ANO2: variants seen among roughly 807,000 people sequenced by gnomAD.
ANO2 encodes the protein anoctamin 2.
In ANO2, 101 loss-of-function variants were observed where a neutral mutation model predicts 124.2. The observed-to-expected ratio is 0.81, with a 90% CI of 0.69 to 0.96. The LOEUF (loss-of-function observed/expected upper bound fraction) is 0.96. Ranked by LOEUF, ANO2 falls within the 40% of genes least tolerant of loss-of-function variation. The pLI, the probability that ANO2 is intolerant of heterozygous loss-of-function variation, is 0.00. For synonymous variants in ANO2, 486 were observed against 482.5 expected (o/e 1.01, Z -0.09); for missense variants, 1,293 against 1,274.5 (o/e 1.01, Z -0.22).
intron 14 of ANO2, among the ~76,000 whole-genome samples, chr12:5,722,363 C>T (rs929701743): frequency 1.6e-4 from 24 of 152,064 alleles, no homozygotes; most frequent in African/African-American, 2.2e-4. Flanking sequence ...AAAAATTAGC[C>T]GGGCGCAGTG....
intron 14 of ANO2, among the ~76,000 whole-genome samples, chr12:5,717,105 A>G (rs1342172467): frequency 6.6e-6 from 1 of 152,224 alleles, no homozygotes; most frequent in African/African-American, 2.4e-5. Flanking sequence ...ATCCCACCGC[A>G]AAGGCCAGCA....
intron 20 of ANO2, among the ~76,000 whole-genome samples, chr12:5,599,211 AG>A (rs1270849021): frequency 6.6e-6 from 1 of 152,178 alleles, no homozygotes; most frequent in Non-Finnish European, 1.5e-5. Flanking sequence ...TTTATAGATG[AG>A]GAGAGGAATC....
At chr12:5,901,540 C>T (rs1414578761) in intron 3 of ANO2, among the ~76,000 whole-genome samples, 1 of 152,218 alleles carries the variant, frequency 6.6e-6, no homozygotes, top group Non-Finnish European at 1.5e-5. Flanking sequence ...AGGACCCTGA[C>T]ATGCACAGCC....
chr12:5,595,486 G>T (rs1294693966), intron 20 of ANO2, among the ~76,000 whole-genome samples: 1 of 151,928 alleles, frequency 6.6e-6, no homozygotes, highest in Non-Finnish European at 1.5e-5. Flanking sequence ...GCCTCCCAAA[G>T]TGCTGGGTTT....
chr12:5,727,449 G>A (rs1022411343), intron 14 of ANO2, among the ~76,000 whole-genome samples: 2 of 149,424 alleles, frequency 1.3e-5, no homozygotes, highest in Admixed American at 6.7e-5. Flanking sequence ...TCAGTCTCGG[G>A]TATTTATAGC....
intron 3 of ANO2, among the ~76,000 whole-genome samples, chr12:5,883,198 G>A (rs1180481910): frequency 1.3e-5 from 2 of 151,876 alleles, no homozygotes; most frequent in East Asian, 1.9e-4. Flanking sequence ...GCTGAAAACT[G>A]AGCAATTAAA....
intron 3 of ANO2, among the ~76,000 whole-genome samples, chr12:5,867,778 G>GAAAAAAA (rs10622876): frequency 1.3e-5 from 1 of 78,538 alleles, no homozygotes; most frequent in Non-Finnish European, 2.3e-5. Flanking sequence ...GCACTATAAT[G>GAAAAAAA]AAAAAAAAAA....
intron 3 of ANO2, among the ~76,000 whole-genome samples, chr12:5,878,872 T>C (rs999166998): frequency 9.2e-5 from 14 of 152,210 alleles, no homozygotes; most frequent in Admixed American, 2.0e-4. Flanking sequence ...TGGTTTTCCA[T>C]AGGAGATGGA....
rs529688983 is a variant in ANO2, at chr12:5,698,447, C to T, written c.1545+34073G>A. 1.3e-5 allele frequency among the ~76,000 whole-genome samples: 2 copies of T among 152,286 alleles called. 1 individual carries two copies. The highest frequency in any genetic ancestry group is 4.1e-4 in the South Asian group (2 of 4,822). On this transcript the variant is annotated intron_variant, in intron 14 of 24. Coordinates refer to ENST00000682330, the MANE Select transcript of ANO2 (RefSeq NM_001364791.2). ...CATCCACACCAAAACCCCATCTGTA[C>T]GTCACCATCATCAAAGACCAAAGGT...
intron 14 of ANO2, among the ~76,000 whole-genome samples, chr12:5,723,711 A>G (rs12307960): frequency 0.014 from 2,202 of 152,298 alleles, 48 homozygotes; most frequent in African/African-American, 0.048. Context: ...AATTAAAGCT[A>G]AAGTTTAAAA....
At chr12:5,903,647 A>ATGTG (rs143239619) in intron 3 of ANO2, among the ~76,000 whole-genome samples, 45,378 of 148,332 alleles carry the variant, frequency 0.31, 7,422 homozygotes, top group South Asian at 0.43. Flanking sequence ...ATGTGCAAAG[A>ATGTG]TGTGTGTGTG....
At chr12:5,691,512 G>C (rs1389074011) in intron 14 of ANO2, among the ~76,000 whole-genome samples, 1 of 152,080 alleles carries the variant, frequency 6.6e-6, no homozygotes, top group Non-Finnish European at 1.5e-5. Flanking sequence ...GGAGCAGGTA[G>C]CCAAAGCCAT....
At chr12:5,725,119 AC>A in intron 14 of ANO2, among the ~76,000 whole-genome samples, 1 of 149,360 alleles carries the variant, frequency 6.7e-6, no homozygotes. Context: ...ACACACACAC[AC>A]ACACGCAAAC....
intron 14 of ANO2, among the ~76,000 whole-genome samples, chr12:5,726,310 C>T (rs1023252539): frequency 6.6e-6 from 1 of 152,186 alleles, no homozygotes. Flanking sequence ...GGAAATAGAA[C>T]ATCACCCCAC....
chr12:5,663,322 A>G (rs1245094115), intron 14 of ANO2, among the ~76,000 whole-genome samples: 1 of 152,226 alleles, frequency 6.6e-6, no homozygotes, highest in Non-Finnish European at 1.5e-5. Flanking sequence ...AAACAGAGGA[A>G]GAAAAATCCA....
At chr12:5,664,895 C>A (rs531169888) in intron 14 of ANO2, among the ~76,000 whole-genome samples, 16 of 152,308 alleles carry the variant, frequency 1.1e-4, no homozygotes, top group Non-Finnish European at 1.9e-4. Flanking sequence ...TTATGATCAT[C>A]ATTATTTGAT....
chr12:5,945,903 G>A (rs71581035), upstream of ANO2, among the ~76,000 whole-genome samples: 1,202 of 152,348 alleles, frequency 7.9e-3, 5 homozygotes, highest in Non-Finnish European at 0.011. Flanking sequence ...CGCTAGGAGG[G>A]TTAAGGAAGG....
At chr12:5,768,946 A>C (rs1182902708) in intron 10 of ANO2, among the ~76,000 whole-genome samples, 2 of 152,162 alleles carry the variant, frequency 1.3e-5, no homozygotes, top group Non-Finnish European at 2.9e-5. Context: ...GCTAAAAAGC[A>C]CATTTTGCTG....
At position 5,636,605 on chromosome 12, in the gene ANO2, TACACACACACACACACACACACACACAC is replaced by T. The variant is rs61059041; in HGVS notation, c.1621-1286_1621-1259del. On this transcript the variant is annotated intron_variant, in intron 15 of 24. Transcript: ENST00000682330. This position sits in a 1 kb window ranked among gnomAD's most constrained non-coding sequence, Gnocchi z 4.6. Reference sequence around the variant, plus strand: ...CCTGAAAAAATAAGCTGTGCTGGACTACACACACACACACACACACACACACACACACACACACACACACGCATGCACA... The same window carrying T: ...CCTGAAAAAATAAGCTGTGCTGGACTACACACACACACACACGCATGCACA... 8.4e-6 allele frequency among the ~76,000 whole-genome samples: 1 copy of T among 118,490 alleles called. No individual in the cohort carries two copies. The highest frequency in any genetic ancestry group is 3.3e-5 in the African/African-American group (1 of 30,682). 77.7% of individuals were successfully genotyped at this position (118,490 alleles called of 152,430 possible).
Sources: allele counts gnomAD v4.1 joint callset (sites outside exome capture counted in the v4.1 genomes callset), GRCh38; gene constraint gnomAD v4.1.1; non-coding constraint Gnocchi (gnomAD v3.1); transcripts MANE v1.5; gene names NCBI Gene and HGNC (gene_info 2026-07-23, HGNC 2026-07-21).